Variants in MYO10 observed in about 807,000 individuals in gnomAD.
MYO10 encodes the protein unconventional myosin-X.
A neutral mutation model predicts 257.3 loss-of-function variants in MYO10; 133 were observed. That is an observed-to-expected ratio of 0.52 (90% CI 0.45 to 0.60). The LOEUF (loss-of-function observed/expected upper bound fraction) is 0.60. Among genes scored for constraint, MYO10 ranks in the 20% least tolerant of loss-of-function variants. MYO10 has a pLI of 0.00. For missense variants in MYO10, 2,399 were observed against 2,635.7 expected (o/e 0.91, Z 1.97); for synonymous variants, 1,104 against 1,028.6 (o/e 1.07, Z -1.40).
At chr5:16,715,826 C>A (rs923548547) in intron 19 of MYO10, among the ~76,000 whole-genome samples, 6 of 152,056 alleles carry the variant, frequency 3.9e-5, no homozygotes, top group Non-Finnish European at 5.9e-5. Flanking sequence ...GAGGGCGAGG[C>A]AGGTGGATCA....
At chr5:16,710,337 T>G (rs1041867147) in intron 21 of MYO10, among the ~76,000 whole-genome samples, 5 of 152,230 alleles carry the variant, frequency 3.3e-5, no homozygotes, top group African/African-American at 1.2e-4. Context: ...TAATTTTTTA[T>G]GTTCAGGCCC....
At chr5:16,832,954 G>A (rs1743202379) in intron 2 of MYO10, among the ~76,000 whole-genome samples, 2 of 151,996 alleles carry the variant, frequency 1.3e-5, no homozygotes, top group Admixed American at 1.3e-4. Context: ...GCAAGTCCTT[G>A]GGATCAGATA....
Position 16,757,975 on chromosome 5 carries a change from C to T in MYO10, c.1848+143G>A, listed in dbSNP as rs536557448. 1.9e-4 allele frequency: 131 copies of T among 678,542 alleles called. No homozygotes were observed. In the African/African-American group the frequency reaches 2.2e-3, roughly 11 times the overall value. 42.0% of individuals were successfully genotyped at this position (678,542 alleles called of 1,614,324 possible). A position where few individuals can be genotyped will look rare whatever the true frequency, so the allele number is the denominator to read the frequency against. ...CCAAAACTCTATTTTATTTCTAAAGCACTATCTGGTTTAAAAGCATGATAT... is the reference window on the plus strand; with the variant it reads ...CCAAAACTCTATTTTATTTCTAAAGTACTATCTGGTTTAAAAGCATGATAT... On this transcript the variant is annotated intron_variant, in intron 18 of 40. Coordinates refer to ENST00000513610, the MANE Select transcript of MYO10 (RefSeq NM_012334.3).
intron 1 of MYO10, among the ~76,000 whole-genome samples, chr5:16,927,989 G>T (rs1430792811): frequency 1.3e-5 from 2 of 152,108 alleles, no homozygotes; most frequent in Admixed American, 6.6e-5. Flanking sequence ...GTATCGATAA[G>T]CTAACAAGCA....
intron 19 of MYO10, among the ~76,000 whole-genome samples, chr5:16,737,658 A>T (rs939043434): frequency 2.6e-5 from 4 of 152,252 alleles, no homozygotes; most frequent in African/African-American, 4.8e-5. Flanking sequence ...CCAAGAAATC[A>T]TCAGCATCGA....
chr5:16,706,529 G>A (rs1738352237), intron 21 of MYO10, among the ~76,000 whole-genome samples: 1 of 152,092 alleles, frequency 6.6e-6, no homozygotes, highest in Non-Finnish European at 1.5e-5. Flanking sequence ...TTGCTCTTAT[G>A]AGTGCTTAAA....
chr5:16,778,904 A>G (rs1741316639), intron 9 of MYO10, among the ~76,000 whole-genome samples: 2 of 151,906 alleles, frequency 1.3e-5, no homozygotes, highest in South Asian at 2.1e-4. Context: ...GTTAGCCAGG[A>G]TGGTCTCAAT....
In MYO10 at chr5:16,928,582, A is replaced by C. The variant is rs146648522; in HGVS notation, c.21+7206T>G. ...CTTTATGGGCCGGGCATGACGGCTCACACCTGTAATCCCAGCACTTTGGGA... is the reference window on the plus strand; with the variant it reads ...CTTTATGGGCCGGGCATGACGGCTCCCACCTGTAATCCCAGCACTTTGGGA... On this transcript the variant is annotated intron_variant, in intron 1 of 40. Coordinates refer to ENST00000513610, the MANE Select transcript of MYO10 (RefSeq NM_012334.3). 4.5e-3 allele frequency among the ~76,000 whole-genome samples: 681 copies of C among 152,180 alleles called. 4 individuals carry two copies. Among genetic ancestry groups the C allele is most frequent in the African/African-American group, 0.015 (634 of 41,536 alleles).
intron 19 of MYO10, among the ~76,000 whole-genome samples, chr5:16,725,855 T>C (rs1739347503): frequency 1.3e-5 from 2 of 151,556 alleles, no homozygotes; most frequent in South Asian, 4.2e-4. Context: ...TGGCGTGATC[T>C]TGGCTCACTG....
chr5:16,686,539 A>ATT (rs774749843), intron 28 of MYO10, among the ~76,000 whole-genome samples: 1 of 145,782 alleles, frequency 6.9e-6, no homozygotes, highest in African/African-American at 2.5e-5. Context: ...CTAGATGTCT[A>ATT]TTTTTTTTTT....
chr5:16,705,066 T>C (rs1363461788), intron 21 of MYO10, among the ~76,000 whole-genome samples: 1 of 152,160 alleles, frequency 6.6e-6, no homozygotes, highest in Non-Finnish European at 1.5e-5. Context: ...TGAGTCTACG[T>C]AATATGATTC....
intron 19 of MYO10, among the ~76,000 whole-genome samples, chr5:16,747,940 A>G (rs1414475692): frequency 1.6e-4 from 20 of 123,496 alleles, no homozygotes; most frequent in East Asian, 5.8e-4. Flanking sequence ...AAAAAAAAAA[A>G]AAAAAAGAAA....
chr5:16,696,065 T>C (rs1309758040), intron 26 of MYO10, among the ~76,000 whole-genome samples: 2 of 152,222 alleles, frequency 1.3e-5, no homozygotes, highest in Non-Finnish European at 2.9e-5. Context: ...TCTATTATCT[T>C]GTTGTTGTTA....
At position 16,689,855 on chromosome 5, in the gene MYO10, G is replaced by A. The variant is rs755655501; in HGVS notation, c.3865C>T (p.His1289Tyr). 11 of 1,613,682 alleles carry A rather than the reference G, an allele frequency of 6.8e-6. No individual in the cohort carries two copies. In the South Asian group the frequency reaches 1.2e-4, roughly 18 times the overall value. The change falls in exon 28 of 41, where the codon CAC (histidine) becomes TAC (tyrosine). Residue 1289 changes from histidine (H) to tyrosine (Y), a missense_variant. Coordinates refer to ENST00000513610, the MANE Select transcript of MYO10 (RefSeq NM_012334.3). ...TCTTCTGGGGACTCTGCAATCAGGT[G>A]GAAAGTCCTATCGGCCATAATGATG... ...IDIIMADRTF[H>Y]LIAESPEDAS... is the part of the protein sequence containing the mutation.
At position 16,672,697 on chromosome 5, in the gene MYO10, C is replaced by T; in HGVS notation, c.5301G>A (p.Lys1767=). 1 of 1,613,998 alleles carries T rather than the reference C, an allele frequency of 6.2e-7. No individual in the cohort carries two copies. Among genetic ancestry groups the T allele is most frequent in the Non-Finnish European group, 8.5e-7 (1 of 1,179,874 alleles). The change falls in exon 37 of 41, where the codon AAG becomes AAA. Residue 1767 remains lysine, a synonymous_variant. Transcript: ENST00000513610. ...SRTVVADVLA[K]FEKLAATSEV... ...AGGGAAAAGGAACCTACTTTTCAAA[C>T]TTGGCTAAGACATCAGCTACGACGG...
At chr5:16,777,220 T>C (rs1336071641) in intron 9 of MYO10, among the ~76,000 whole-genome samples, 1 of 152,202 alleles carries the variant, frequency 6.6e-6, no homozygotes, top group Non-Finnish European at 1.5e-5. Context: ...AAAGGTGCTG[T>C]CTGCAGGAGG....
chr5:16,921,822 T>C (rs1482894540), intron 1 of MYO10, among the ~76,000 whole-genome samples: 1 of 152,016 alleles, frequency 6.6e-6, no homozygotes, highest in East Asian at 1.9e-4. Context: ...TCCTGGCATC[T>C]AGTGATTCAA....
chr5:16,685,650 C>T (rs1737217334), intron 29 of MYO10, 88 bp downstream of exon 29: 7 of 1,000,186 alleles, frequency 7.0e-6, no homozygotes, highest in African/African-American at 6.4e-5. Context: ...TCTGGAAATT[C>T]CCAATCTTTC....
At chr5:16,915,395 A>G (rs1483619532) in intron 1 of MYO10, among the ~76,000 whole-genome samples, 1 of 152,206 alleles carries the variant, frequency 6.6e-6, no homozygotes, top group African/African-American at 2.4e-5. Context: ...GATGTCCTCT[A>G]TGATTATCGT....
Sources: allele counts gnomAD v4.1 joint callset (sites outside exome capture counted in the v4.1 genomes callset), GRCh38; gene constraint gnomAD v4.1.1; transcripts MANE v1.5; gene names NCBI Gene and HGNC (gene_info 2026-07-23, HGNC 2026-07-21).